The following FBXO4 variants were observed in gnomAD, a reference collection of about 807,000 sequenced individuals.
FBXO4 encodes the protein F-box protein 4, also known as F-box only protein 4.
A neutral mutation model predicts 43.7 loss-of-function variants in FBXO4; 36 were observed. That is an observed-to-expected ratio of 0.82 (90% CI 0.63 to 1.09). FBXO4 has a LOEUF of 1.09. FBXO4 is among the 50% of genes least tolerant of loss of function. The probability of loss-of-function intolerance (pLI) is 0.00; values close to 1 mark genes in which losing one functional copy is unlikely to be tolerated. For synonymous variants in FBXO4, 180 were observed against 165.6 expected, an observed-to-expected ratio of 1.09 and a Z score of -0.67; for missense variants, 435 against 474.1, an observed-to-expected ratio of 0.92 and a Z score of 0.77.
the FBXO4 span, among the ~76,000 whole-genome samples, chr5:42,038,988 C>T: frequency 6.6e-6 from 1 of 152,180 alleles, no homozygotes; most frequent in African/African-American, 2.4e-5. Context: ...AGATGTAGAA[C>T]CCAGTGCTTT....
the FBXO4 span, among the ~76,000 whole-genome samples, chr5:42,015,546 G>T: frequency 6.6e-6 from 1 of 152,216 alleles, no homozygotes; most frequent in Middle Eastern, 3.4e-3. Context: ...TCCAAATTTA[G>T]TTTCAATCAG....
At chr5:41,933,222 TTTA>T (rs1272657324) in intron 3 of FBXO4, among the ~76,000 whole-genome samples, 3 of 152,134 alleles carry the variant, frequency 2.0e-5, no homozygotes, top group Non-Finnish European at 2.9e-5. Context: ...TCCTCAGTAA[TTTA>T]TTATTATTTT....
chr5:41,975,438 C>T, the FBXO4 span, among the ~76,000 whole-genome samples: 1 of 152,054 alleles, frequency 6.6e-6, no homozygotes, highest in African/African-American at 2.4e-5. Context: ...TCTACTGAAG[C>T]AAGAGATCTA....
the FBXO4 span, among the ~76,000 whole-genome samples, chr5:42,005,096 T>C: frequency 1.1e-4 from 16 of 152,306 alleles, no homozygotes; most frequent in East Asian, 3.9e-4. Flanking sequence ...GCCATTCATG[T>C]TCCATGTTAT....
At chr5:42,006,887 G>GATCTATAT in the FBXO4 span, among the ~76,000 whole-genome samples, 1 of 79,112 alleles carries the variant, frequency 1.3e-5, no homozygotes, top group Non-Finnish European at 2.4e-5. Flanking sequence ...GGTTCATGCT[G>GATCTATAT]ATATATATAT....
chr5:42,013,719 G>A, the FBXO4 span, among the ~76,000 whole-genome samples: 2 of 152,328 alleles, frequency 1.3e-5, no homozygotes. Flanking sequence ...TCATTTGGAA[G>A]CAAACACAGC....
chr5:41,958,822 A>G, the FBXO4 span, among the ~76,000 whole-genome samples: 3 of 152,304 alleles, frequency 2.0e-5, no homozygotes, highest in Non-Finnish European at 4.4e-5. Flanking sequence ...GGATGATTTC[A>G]CATTTTGGCT....
At chr5:41,980,751 G>T in the FBXO4 span, among the ~76,000 whole-genome samples, 1 of 150,346 alleles carries the variant, frequency 6.7e-6, no homozygotes, top group South Asian at 2.1e-4. Flanking sequence ...ACCACTTTAG[G>T]TTACACTTTA....
chr5:41,967,888 A>G, the FBXO4 span: 1 of 571,598 alleles, frequency 1.7e-6, no homozygotes. Flanking sequence ...TTTCACAATT[A>G]TCTCACTGTT....
At chr5:42,010,181 A>G in the FBXO4 span, among the ~76,000 whole-genome samples, 2 of 152,174 alleles carry the variant, frequency 1.3e-5, no homozygotes, top group Admixed American at 6.6e-5. Context: ...CTCAAGGTTC[A>G]TCTATGCTGT....
At chr5:41,993,516 T>C in the FBXO4 span, among the ~76,000 whole-genome samples, 10 of 151,904 alleles carry the variant, frequency 6.6e-5, no homozygotes, top group Non-Finnish European at 8.8e-5. Context: ...GTGTTAATTA[T>C]AGTTAACTTG....
At chr5:42,024,461 T>C in the FBXO4 span, among the ~76,000 whole-genome samples, 7 of 152,050 alleles carry the variant, frequency 4.6e-5, no homozygotes, top group Non-Finnish European at 8.8e-5. Flanking sequence ...TATATAGGGG[T>C]ACATGAGATG....
At chr5:42,006,547 C>A in the FBXO4 span, among the ~76,000 whole-genome samples, 1 of 151,812 alleles carries the variant, frequency 6.6e-6, no homozygotes, top group African/African-American at 2.4e-5. Context: ...TTTAAAAGTA[C>A]AGCGAAAAAT....
the FBXO4 span, among the ~76,000 whole-genome samples, chr5:42,007,920 C>G: frequency 5.3e-5 from 8 of 151,910 alleles, no homozygotes; most frequent in African/African-American, 1.9e-4. Context: ...TTTTTCTAGT[C>G]ATTTGTTTTC....
chr5:41,994,148 A>G, the FBXO4 span, among the ~76,000 whole-genome samples: 8 of 152,322 alleles, frequency 5.3e-5, no homozygotes, highest in South Asian at 1.7e-3. Context: ...TGCCTAACAT[A>G]ATACAACTAT....
chr5:41,993,791 A>G, the FBXO4 span, among the ~76,000 whole-genome samples: 30 of 152,138 alleles, frequency 2.0e-4, no homozygotes, highest in African/African-American at 7.2e-4. Flanking sequence ...TCTGATGTTC[A>G]AGGGCAAGAA....
chr5:42,031,857 G>C, the FBXO4 span, among the ~76,000 whole-genome samples: 1 of 151,896 alleles, frequency 6.6e-6, no homozygotes, highest in Non-Finnish European at 1.5e-5. Flanking sequence ...GGTAAGACTT[G>C]AGTGCTGTGA....
At chr5:41,959,875 T>A in the FBXO4 span, among the ~76,000 whole-genome samples, 1 of 152,140 alleles carries the variant, frequency 6.6e-6, no homozygotes, top group Admixed American at 6.5e-5. Context: ...ATTTTAGGAT[T>A]TTTTTTCTAT....
chr5:42,005,595 G>T, the FBXO4 span, among the ~76,000 whole-genome samples: 1 of 152,064 alleles, frequency 6.6e-6, no homozygotes, highest in Non-Finnish European at 1.5e-5. Context: ...ACTTTTCAGA[G>T]AATAATGCTC....
Sources: allele counts gnomAD v4.1 joint callset (sites outside exome capture counted in the v4.1 genomes callset), GRCh38; gene constraint gnomAD v4.1.1; transcripts MANE v1.5; gene names NCBI Gene and HGNC (gene_info 2026-07-23, HGNC 2026-07-21).